CCNA1: variants seen among roughly 807,000 people sequenced by gnomAD.
CCNA1 encodes the protein cyclin-A1.
A neutral mutation model predicts 54.1 loss-of-function variants in CCNA1; 23 were observed. The observed-to-expected ratio is 0.42, with a 90% confidence interval of 0.31 to 0.60. The LOEUF (loss-of-function observed/expected upper bound fraction) is 0.60. Among genes scored for constraint, CCNA1 ranks in the 20% least tolerant of loss-of-function variants. The pLI is 0.14. For missense variants in CCNA1, 450 were observed against 556.7 expected (o/e 0.81, Z 1.93); for synonymous variants, 208 against 213.9 (o/e 0.97, Z 0.24).
Position 36,438,901 on chromosome 13 carries a change from T to G in CCNA1, c.893+34T>G, listed in dbSNP as rs770740150. On this transcript the variant is annotated intron_variant, in intron 5 of 8. Coordinates refer to ENST00000255465, the MANE Select transcript of CCNA1 (RefSeq NM_003914.4). ...TCTTTCAGCTTGCATAATATGAAACTATCACTTGTCAAAACATGGAATTTT... is the reference window on the plus strand; with the variant it reads ...TCTTTCAGCTTGCATAATATGAAACGATCACTTGTCAAAACATGGAATTTT... 2.0e-6 allele frequency: 3 copies of G among 1,482,856 alleles called. No individual in the cohort carries two copies. In the South Asian group the frequency reaches 3.4e-5, roughly 17 times the overall value. The allele number at this position is 1,482,856 out of a possible 1,614,324, so 91.9% of individuals were successfully genotyped here.
At chr13:36,437,526 A>C (rs1566171542) in intron 2 of CCNA1, 103 bp from the exon 3 acceptor site, 1 of 1,119,990 alleles carries the variant, frequency 8.9e-7, no homozygotes, top group East Asian at 2.4e-5. Context: ...TTCAGTTTAG[A>C]ATGTATCTTA....
Position 36,442,635 on chromosome 13 carries a change from G to A in CCNA1, c.1368G>A (p.Met456Ile). ...TCAGGTACCTGTGTGTGTCCCTCAT[G>A]GAGCCACCTGCAGTTCTTCTTCTAC... Residue 456 changes from methionine (M) to isoleucine (I), a missense_variant, in exon 9 of 9, where the codon ATG (methionine) becomes ATA (isoleucine). Met to Ile is a conservative substitution (Grantham distance 10). Around this residue, in one of 6 missense-constraint regions of CCNA1, gnomAD observed 53 missense variants for 50.1 expected, o/e 1.06. Transcript: ENST00000255465. 6.2e-7 allele frequency: 1 copy of A among 1,613,990 alleles called. No individual in the cohort carries two copies.
upstream of CCNA1, chr13:36,431,564 G>C (rs557464962): frequency 3.3e-5 from 5 of 152,258 alleles, no homozygotes; most frequent in African/African-American, 1.2e-4. Context: ...TTGCGCAGGA[G>C]CCCGCGGGGG....
At chr13:36,434,552 G>A (rs1044755877) in intron 2 of CCNA1, among the ~76,000 whole-genome samples, 1 of 152,054 alleles carries the variant, frequency 6.6e-6, no homozygotes, top group Non-Finnish European at 1.5e-5. Flanking sequence ...TAAATTCCCA[G>A]TTGCTAACCT....
rs752516162 is a variant in CCNA1, at chr13:36,442,294, A to G, written c.1336A>G (p.Lys446Glu). 6.2e-7 allele frequency: 1 copy of G among 1,613,884 alleles called. No individual in the cohort carries two copies. Among genetic ancestry groups the G allele is most frequent in the Non-Finnish European group, 8.5e-7 (1 of 1,179,836 alleles). The change falls in exon 8 of 9, where the codon AAG (lysine) becomes GAG (glutamate). Residue 446 changes from lysine (K) to glutamate (E), a missense_variant. By Grantham distance (56) the Lys-to-Glu change is moderately conservative. Coordinates refer to ENST00000255465, the MANE Select transcript of CCNA1 (RefSeq NM_003914.4). ...TCAGCAAGCAATTAGGGAGAAGTAC[A>G]AGGCTTCAAAGTAAGTCACTGACAT...
intron 2 of CCNA1, among the ~76,000 whole-genome samples, chr13:36,433,443 G>GTTCGTTCGTTCGTTCTTTCT (rs1491577879): frequency 1.9e-5 from 1 of 53,766 alleles, no homozygotes; most frequent in African/African-American, 6.2e-5. Context: ...TCTTTCTTTC[G>GTTCGTTCGTTCGTTCTTTCT]TTCTTTCTTT....
intron 7 of CCNA1, among the ~76,000 whole-genome samples, chr13:36,441,643 T>G (rs2055876099): frequency 6.6e-6 from 1 of 152,224 alleles, no homozygotes; most frequent in African/African-American, 2.4e-5. Context: ...AGTAAAGTGT[T>G]GCCTCTTGCC....
At chr13:36,436,238 C>T (rs2055803700) in intron 2 of CCNA1, among the ~76,000 whole-genome samples, 1 of 152,170 alleles carries the variant, frequency 6.6e-6, no homozygotes, top group Non-Finnish European at 1.5e-5. Context: ...TCAGCCTTGG[C>T]AAGTGAACAA....
chr13:36,432,805 G>A (rs1045874559), intron 1 of CCNA1, 76 bp downstream of exon 1: 3 of 1,124,452 alleles, frequency 2.7e-6, no homozygotes, highest in Non-Finnish European at 4.0e-6. Flanking sequence ...CGAAGTCTTG[G>A]GATAAAAAGC....
intron 2 of CCNA1, 78 bp downstream of exon 2, chr13:36,433,299 C>A (rs1378568090): frequency 9.0e-7 from 1 of 1,112,312 alleles, no homozygotes; most frequent in Non-Finnish European, 1.3e-6. Context: ...TTTTCTCTTG[C>A]CCTTGTACCT....
chr13:36,437,480 CT>C (rs878910424), intron 2 of CCNA1, 148 bp from the exon 3 acceptor site: 10,502 of 630,042 alleles, frequency 0.017, no homozygotes, highest in South Asian at 0.023. Flanking sequence ...TTTTGAAGAC[CT>C]TTTTTTTTTG....
chr13:36,439,184 A>G (rs2055845680), intron 5 of CCNA1, among the ~76,000 whole-genome samples: 1 of 152,202 alleles, frequency 6.6e-6, no homozygotes, highest in Non-Finnish European at 1.5e-5. Flanking sequence ...ATTAAGTCCT[A>G]TTTAAAGACA....
At chr13:36,434,792 A>T (rs2055779537) in intron 2 of CCNA1, among the ~76,000 whole-genome samples, 1 of 149,468 alleles carries the variant, frequency 6.7e-6, no homozygotes, top group Non-Finnish European at 1.5e-5. Context: ...ACATCCTGTT[A>T]TGTGACTGCT....
intron 4 of CCNA1, 46 bp from the exon 5 acceptor site, chr13:36,438,598 T>G: frequency 7.3e-7 from 1 of 1,369,668 alleles, no homozygotes. Flanking sequence ...TGGAATGATC[T>G]TTCTGAAATT....
At chr13:36,431,672 G>C (rs541143574), upstream of CCNA1, 737 of 152,414 alleles carry the variant, frequency 4.8e-3, 9 homozygotes, top group Non-Finnish European at 4.4e-3. Context: ...GCCGGGCGGG[G>C]CAGGCGCGGC....
At position 36,441,205 on chromosome 13, in the gene CCNA1, A is replaced by G. The variant is rs2055870664; in HGVS notation, c.1186A>G (p.Asn396Asp). The change falls in exon 7 of 9, where the codon AAC becomes GAC. Residue 396 changes from asparagine to aspartate, a missense_variant. Coordinates refer to ENST00000255465, the MANE Select transcript of CCNA1 (RefSeq NM_003914.4). ...AGCTGCAGCAGCTTTTTGCCTGGCA[A>G]ACTATACTGTGAACAAGCACTTTTG... 6 of 1,610,036 alleles carry G rather than the reference A, an allele frequency of 3.7e-6. No individual in the cohort carries two copies. The highest frequency in any genetic ancestry group is 5.1e-6 in the Non-Finnish European group (6 of 1,176,560).
chr13:36,438,320 T>C (rs916587021), intron 4 of CCNA1, 129 bp downstream of exon 4: 12 of 823,030 alleles, frequency 1.5e-5, no homozygotes, highest in Non-Finnish European at 2.1e-5. Flanking sequence ...AGAATATCTA[T>C]GAAAAATAAT....
upstream of CCNA1, chr13:36,432,383 C>CT: frequency 3.4e-6 from 1 of 291,172 alleles, no homozygotes; most frequent in Non-Finnish European, 6.5e-6. Context: ...CTGCCCTTCC[C>CT]TGCCCTTCCC....
intron 2 of CCNA1, among the ~76,000 whole-genome samples, 173 bp downstream of exon 2, chr13:36,433,394 C>CTTTCTTTCTTTCTTTA (rs2055747412): frequency 4.3e-5 from 4 of 92,188 alleles, no homozygotes; most frequent in African/African-American, 1.9e-4. Context: ...TTCTTTCTTT[C>CTTTCTTTCTTTCTTTA]TTTCTTTCTT....
Sources: allele counts gnomAD v4.1 joint callset (sites outside exome capture counted in the v4.1 genomes callset), GRCh38; gene constraint gnomAD v4.1.1; regional missense constraint gnomAD v4.1.1; transcripts MANE v1.5; gene names NCBI Gene and HGNC (gene_info 2026-07-23, HGNC 2026-07-21).